Variants in CD3E observed in about 807,000 individuals in gnomAD.
The protein encoded by CD3E is CD3 epsilon subunit of T-cell receptor complex, also known as T-cell surface glycoprotein CD3 epsilon chain.
In CD3E, 16 loss-of-function variants were observed where a neutral mutation model predicts 34.7. The ratio of observed to expected loss-of-function variants is 0.46; its 90% CI spans 0.31 to 0.70. CD3E has a LOEUF of 0.70. CD3E is among the 30% of genes least tolerant of loss of function. CD3E has a pLI of 0.05. For synonymous variants in CD3E, 70 were observed against 90.8 expected, an observed-to-expected ratio of 0.77 and a Z score of 1.30; for missense variants, 223 against 253.9, an observed-to-expected ratio of 0.88 and a Z score of 0.83.
chr11:118,313,634 T>TC, intron 6 of CD3E, 73 bp from the exon 7 acceptor site: 2 of 1,425,970 alleles, frequency 1.4e-6, no homozygotes, highest in Non-Finnish European at 2.0e-6. Context: ...CTTCATGCAC[T>TC]CCCTCCTCAC....
At chr11:118,314,414 T>C (rs979391606) in intron 7 of CD3E, 34 bp from the exon 8 acceptor site, 7 of 1,599,856 alleles carry the variant, frequency 4.4e-6, no homozygotes, top group Middle Eastern at 1.7e-4. Context: ...GGTTCCCTCA[T>C]GGGAATGAAA....
intron 2 of CD3E, among the ~76,000 whole-genome samples, chr11:118,306,118 G>A (rs896975516): frequency 2.0e-5 from 3 of 152,278 alleles, no homozygotes; most frequent in Non-Finnish European, 2.9e-5. Flanking sequence ...GGGGCAGGAT[G>A]TGACTCCTGT....
In CD3E at chr11:118,305,427, C is replaced by T. The variant is rs78940181; in HGVS notation, c.49+426C>T. ...CTATCTTTGAGACCATAAAACGCCTCGTAATTTTTAGTCCTTTTCAAGTGA... is the reference window on the plus strand; with the variant it reads ...CTATCTTTGAGACCATAAAACGCCTTGTAATTTTTAGTCCTTTTCAAGTGA... On this transcript the variant is annotated intron_variant, in intron 2 of 8. Coordinates refer to ENST00000361763, the MANE Select transcript of CD3E (RefSeq NM_000733.4). Among the ~76,000 whole-genome samples, 273 of 152,306 alleles carry T rather than the reference C, an allele frequency of 1.8e-3. 4 individuals are homozygous for T. The East Asian group carries it at 0.037, about 21-fold the overall frequency.
chr11:118,308,463 C>T, intron 4 of CD3E, 22 bp downstream of exon 4: 1 of 1,540,138 alleles, frequency 6.5e-7, no homozygotes, highest in Non-Finnish European at 9.0e-7. Flanking sequence ...TCCACTCTAT[C>T]TAGCAAAAGT....
At chr11:118,315,426 CT>C in intron 8 of CD3E, 59 bp from the exon 9 acceptor site, 4 of 1,446,202 alleles carry the variant, frequency 2.8e-6, no homozygotes, top group Non-Finnish European at 3.9e-6. Context: ...CTTCAGTGTC[CT>C]TTCTTAGGAG....
At chr11:118,312,427 G>T (rs1288261062) in intron 5 of CD3E, 191 bp from the exon 6 acceptor site, 3 of 740,130 alleles carry the variant, frequency 4.1e-6, no homozygotes, top group East Asian at 2.6e-5. Flanking sequence ...TCCCTTCAAG[G>T]TTCTCTAGTT....
chr11:118,313,486 T>A (rs542352262), intron 6 of CD3E: 1 of 579,374 alleles, frequency 1.7e-6, no homozygotes, highest in African/African-American at 1.9e-5. Flanking sequence ...GTAATAAAGC[T>A]GGGACTCAAA....
intron 5 of CD3E, 165 bp from the exon 6 acceptor site, chr11:118,312,453 A>T: frequency 1.2e-6 from 1 of 825,570 alleles, no homozygotes; most frequent in Non-Finnish European, 2.0e-6. Context: ...CATTCCACAT[A>T]TCTCCTCTTC....
rs2134767058 is a variant in CD3E at position 118,312,998 on chromosome 11, T to C, written c.352+132T>C. 5.2e-6 allele frequency: 5 copies of C among 956,912 alleles called. No homozygotes were observed. In the East Asian group the frequency reaches 9.6e-5, roughly 18 times the overall value. 59.3% of individuals were successfully genotyped at this position (956,912 alleles called of 1,614,324 possible). ...TTGCGCTTCCTCCCACACTCAATCCTGGGACTCTCTGGTACCACACGGCAT... is the reference window on the plus strand; with the variant it reads ...TTGCGCTTCCTCCCACACTCAATCCCGGGACTCTCTGGTACCACACGGCAT... On this transcript the variant is annotated intron_variant, in intron 6 of 8. Transcript: ENST00000361763.
chr11:118,314,368 T>C, intron 7 of CD3E, 80 bp from the exon 8 acceptor site: 1 of 1,183,600 alleles, frequency 8.4e-7, no homozygotes, highest in Non-Finnish European at 1.3e-6. Flanking sequence ...CCATTCTCTA[T>C]CTGGGTCTCA....
chr11:118,315,869 T>A lies in CD3E; in HGVS notation c.*327T>A, dbSNP rs1591270494. On this transcript the variant is annotated 3_prime_UTR_variant, in exon 9 of 9. Coordinates refer to ENST00000361763, the MANE Select transcript of CD3E (RefSeq NM_000733.4). ...TAACTTCTCCGTTCAGTTCCCTCCTTTTCTTGCATGTAAGTTGTCCCCCAT... is the reference window on the plus strand; with the variant it reads ...TAACTTCTCCGTTCAGTTCCCTCCTATTCTTGCATGTAAGTTGTCCCCCAT... 2.1e-6 allele frequency: 1 copy of A among 470,780 alleles called. No homozygotes were observed. Among genetic ancestry groups the A allele is most frequent in the African/African-American group, 2.0e-5 (1 of 51,020 alleles). The allele number at this position is 470,780 out of a possible 1,614,324, so 29.2% of individuals were successfully genotyped here.
At chr11:118,312,031 T>C in intron 4 of CD3E, 122 bp from the exon 5 acceptor site, 1 of 834,284 alleles carries the variant, frequency 1.2e-6, no homozygotes, top group Non-Finnish European at 2.1e-6. Flanking sequence ...GGTTCCTAAA[T>C]GGATGAGACC....
intron 2 of CD3E, among the ~76,000 whole-genome samples, chr11:118,305,579 A>T (rs570033521): frequency 6.6e-6 from 1 of 152,246 alleles, no homozygotes; most frequent in Non-Finnish European, 1.5e-5. Context: ...TTATTGTCAG[A>T]TACTGTGTAA....
chr11:118,305,029 T>G (rs755861371), intron 2 of CD3E, 28 bp downstream of exon 2: 1 of 1,609,868 alleles, frequency 6.2e-7, no homozygotes, highest in African/African-American at 1.3e-5. Flanking sequence ...GAAAGGGTGG[T>G]GTGTCTCCAG....
chr11:118,313,393 C>A, intron 6 of CD3E: 1 of 424,072 alleles, frequency 2.4e-6, no homozygotes. Context: ...GGTTAAGTAT[C>A]ATTTTATTCC....
intron 2 of CD3E, among the ~76,000 whole-genome samples, chr11:118,306,183 T>TAA (rs35596756): frequency 7.3e-5 from 11 of 151,316 alleles, no homozygotes; most frequent in East Asian, 3.9e-4. Context: ...TGCTTTTCCT[T>TAA]AAAAAAAAGA....
At chr11:118,310,528 C>G (rs536227432) in intron 4 of CD3E, among the ~76,000 whole-genome samples, 6 of 152,300 alleles carry the variant, frequency 3.9e-5, no homozygotes, top group African/African-American at 1.4e-4. Context: ...CTACCACTGA[C>G]AGGCATTTAG....
In CD3E at chr11:118,307,243, C is replaced by G. The variant is rs1298318674; in HGVS notation, c.50-45C>G. On this transcript the variant is annotated intron_variant, in intron 2 of 8. Coordinates refer to ENST00000361763, the MANE Select transcript of CD3E (RefSeq NM_000733.4). ...CTTTTTCTGTTTAGGAATGCAGGTACCCACAACATTTACTAACACTTTTTT... is the reference window on the plus strand; with the variant it reads ...CTTTTTCTGTTTAGGAATGCAGGTAGCCACAACATTTACTAACACTTTTTT... 8 of 1,518,290 alleles carry G rather than the reference C, an allele frequency of 5.3e-6. No individual in the cohort carries two copies. In the Admixed American group the frequency reaches 1.3e-4, roughly 26 times the overall value. The allele number at this position is 1,518,290 out of a possible 1,614,324, so 94.1% of individuals were successfully genotyped here.
At chr11:118,308,031 T>C (rs1948117206) in intron 3 of CD3E, among the ~76,000 whole-genome samples, 1 of 151,882 alleles carries the variant, frequency 6.6e-6, no homozygotes, top group African/African-American at 2.4e-5. Context: ...CAGCCAGACA[T>C]GGTGGTGTAC....
Sources: gnomAD v4.1 joint callset for allele counts (sites outside exome capture counted in the v4.1 genomes callset) on GRCh38, gnomAD v4.1.1 for gene constraint, MANE v1.5 for transcripts, NCBI Gene and HGNC (gene_info 2026-07-23, HGNC 2026-07-21) for gene names.